CCDC150: variants seen among roughly 807,000 people sequenced by gnomAD.
CCDC150 encodes the protein coiled-coil domain containing 150, also known as coiled-coil domain-containing protein 150.
CCDC150 carries 151 observed loss-of-function variants against 156.5 expected under a neutral mutation model. The ratio of observed to expected loss-of-function variants is 0.97; its 90% confidence interval spans 0.85 to 1.10. The LOEUF is 1.10. CCDC150 is among the 50% of genes least tolerant of loss of function. The probability of loss-of-function intolerance (pLI) is 0.00; values close to 1 mark genes in which losing one functional copy is unlikely to be tolerated. For missense variants in CCDC150, 1,312 were observed against 1,268.1 expected (o/e 1.03, Z -0.53); for synonymous variants, 452 against 429.4 (o/e 1.05, Z -0.65).
intron 5 of CCDC150, among the ~76,000 whole-genome samples, chr2:196,661,071 A>T (rs1184870710): frequency 6.6e-6 from 1 of 152,052 alleles, no homozygotes; most frequent in Non-Finnish European, 1.5e-5. Flanking sequence ...TCTCCTTTGG[A>T]TTGCCATTTA....
chr2:196,713,302 C>T, intron 17 of CCDC150: 1 of 1,424,036 alleles, frequency 7.0e-7, no homozygotes, highest in Non-Finnish European at 9.2e-7. Flanking sequence ...GGGGCTATTC[C>T]TTGAAAAATA....
chr2:196,680,515 A>G (rs1211464891), intron 13 of CCDC150, among the ~76,000 whole-genome samples: 1 of 152,002 alleles, frequency 6.6e-6, no homozygotes, highest in Non-Finnish European at 1.5e-5. Flanking sequence ...TTGCCTGGCC[A>G]GTCTCGAACT....
At chr2:196,728,423 A>C (rs1698335528) in intron 22 of CCDC150, among the ~76,000 whole-genome samples, 1 of 152,206 alleles carries the variant, frequency 6.6e-6, no homozygotes, top group Non-Finnish European at 1.5e-5. Context: ...AAATGCTACC[A>C]TCCATAGAGA....
rs764646799 is a variant in CCDC150 at position 196,719,648 on chromosome 2, C to T, written c.2147C>T (p.Ala716Val). 2 of 1,608,794 alleles carry T rather than the reference C, an allele frequency of 1.2e-6. No individual in the cohort carries two copies. The highest frequency in any genetic ancestry group is 3.4e-5 in the Admixed American group (2 of 59,330). Residue 716 changes from alanine to valine, a missense_variant, in exon 19 of 28, where the codon GCA (alanine) becomes GTA (valine). Physicochemically the swap from Ala to Val is moderately conservative, Grantham distance 64 (BLOSUM62 0). Coordinates refer to ENST00000389175, the MANE Select transcript of CCDC150 (RefSeq NM_001080539.2). ...CTTGGGCGGAGGGATTCAGAGATTG[C>T]AGGCCTCAAGAAAGAAAGGTACCTG... Reference protein sequence around the residue: ...IELGRRDSEIAGLKKERDLNQ... With the variant: ...IELGRRDSEIVGLKKERDLNQ...
intron 15 of CCDC150, among the ~76,000 whole-genome samples, chr2:196,701,436 G>A (rs1696200051): frequency 6.6e-6 from 1 of 152,112 alleles, no homozygotes; most frequent in African/African-American, 2.4e-5. Context: ...TTTATGCATG[G>A]TCATTCACTG....
intron 13 of CCDC150, among the ~76,000 whole-genome samples, chr2:196,685,906 G>C (rs1309819698): frequency 6.6e-6 from 1 of 152,048 alleles, no homozygotes; most frequent in Non-Finnish European, 1.5e-5. Flanking sequence ...GAGCCACCGC[G>C]CCCAGCCGGT....
chr2:196,666,741 G>A lies in CCDC150; in HGVS notation c.785G>A (p.Cys262Tyr), dbSNP rs774788529. 2.9e-5 allele frequency: 46 copies of A among 1,604,932 alleles called. No individual in the cohort carries two copies. Among genetic ancestry groups the A allele is most frequent in the Non-Finnish European group, 3.8e-5 (45 of 1,177,044 alleles). Residue 262 changes from cysteine to tyrosine, a missense_variant, in exon 7 of 28, where the codon TGC becomes TAC. By Grantham distance (194) the Cys-to-Tyr change is radical. Transcript: ENST00000389175. ...RKQVHILQQNCIALRDSIQSA... is the reference protein window; with the variant it reads ...RKQVHILQQNYIALRDSIQSA... The stretch of plus-strand genomic sequence containing the variant: ...CAGGTGCACATTTTGCAGCAAAACT[G>A]CATTGCTCTACGTGATTCTATACAG...
At position 196,680,685 on chromosome 2, in the gene CCDC150, G is replaced by A. The variant is rs960940497; in HGVS notation, c.1509+3324G>A. ...GGTATTAATGATTCTGTGAGCATTC[G>A]TATACAATTTTTTTGTGTAAACATA... is the stretch of plus-strand genomic sequence containing the variant. On this transcript the variant is annotated intron_variant, in intron 13 of 27. Transcript: ENST00000389175. 3.3e-5 allele frequency among the ~76,000 whole-genome samples: 5 copies of A among 152,094 alleles called. No individual in the cohort carries two copies. The East Asian group carries it at 9.6e-4, about 29-fold the overall frequency.
chr2:196,721,548 T>A lies in CCDC150; in HGVS notation c.2286T>A (p.Gly762=), dbSNP rs1419230826. 1.2e-6 allele frequency: 2 copies of A among 1,606,078 alleles called. No individual in the cohort carries two copies. Among genetic ancestry groups the A allele is most frequent in the Non-Finnish European group, 1.7e-6 (2 of 1,176,974 alleles). Residue 762 remains glycine (G), a synonymous_variant, in exon 21 of 28, where the codon GGT becomes GGA. Transcript: ENST00000389175. ...TTGAATCTCTACAAAAAGCTCTAGG[T>A]GTAGCTAGAGAAGACAACAGGAAAC... ...SEIESLQKAL[G]VAREDNRKLA...
intron 6 of CCDC150, among the ~76,000 whole-genome samples, chr2:196,666,083 G>A (rs1359466795): frequency 6.6e-6 from 1 of 152,114 alleles, no homozygotes; most frequent in Non-Finnish European, 1.5e-5. Context: ...AGAAAATAAA[G>A]TCTAAAGCGA....
At chr2:196,728,816 A>G (rs1698362029) in intron 22 of CCDC150, among the ~76,000 whole-genome samples, 1 of 152,132 alleles carries the variant, frequency 6.6e-6, no homozygotes, top group South Asian at 2.1e-4. Context: ...GTATTCTATG[A>G]AGTAGGCTAT....
At chr2:196,672,228 C>T in intron 8 of CCDC150, 117 bp from the exon 9 acceptor site, 1 of 445,452 alleles carries the variant, frequency 2.2e-6, no homozygotes, top group Non-Finnish European at 4.0e-6. Context: ...TATAAAGTTC[C>T]AGTGTATGTC....
At chr2:196,653,600 C>T (rs906586739) in intron 2 of CCDC150, among the ~76,000 whole-genome samples, 4 of 152,178 alleles carry the variant, frequency 2.6e-5, no homozygotes, top group Non-Finnish European at 4.4e-5. Context: ...TCAGTATGTC[C>T]TCTGTCTATA....
chr2:196,708,205 A>G lies in CCDC150; in HGVS notation c.1696-3940A>G, dbSNP rs140763093. ...CTGGGTGCTCTTGTATTGGGTGTAT[A>G]TATATTTAGGATAGTTACCTCTTCT... On this transcript the variant is annotated intron_variant, in intron 15 of 27. Coordinates refer to ENST00000389175, the MANE Select transcript of CCDC150 (RefSeq NM_001080539.2). Among the ~76,000 whole-genome samples the G allele has an allele frequency of 5.2e-3, 795 of 152,218 alleles. 5 individuals are homozygous for G. Among genetic ancestry groups the G allele is most frequent in the African/African-American group, 0.018 (760 of 41,524 alleles).
intron 1 of CCDC150, among the ~76,000 whole-genome samples, chr2:196,645,459 G>A (rs920588398): frequency 2.0e-5 from 3 of 152,154 alleles, no homozygotes; most frequent in African/African-American, 4.8e-5. Context: ...ATTCCCATAC[G>A]AACACTATCG....
At chr2:196,721,721 G>A (rs756113256) in intron 21 of CCDC150, 30 bp downstream of exon 21, 1 of 1,538,246 alleles carries the variant, frequency 6.5e-7, no homozygotes, top group South Asian at 1.3e-5. Context: ...AGTAAAATTA[G>A]GGAAGCACCT....
chr2:196,694,937 A>T (rs965336553), intron 13 of CCDC150, 109 bp from the exon 14 acceptor site: 1 of 577,276 alleles, frequency 1.7e-6, no homozygotes, highest in Non-Finnish European at 3.1e-6. Flanking sequence ...GCAAGGAAAC[A>T]TATGGACAAT....
At chr2:196,657,289 C>A in intron 4 of CCDC150, 153 bp downstream of exon 4, 2 of 710,268 alleles carry the variant, frequency 2.8e-6, no homozygotes, top group Non-Finnish European at 4.6e-6. Context: ...GATTCTTGGC[C>A]TATGACATTT....
chr2:196,720,239 GTTTTC>G (rs986167438), intron 19 of CCDC150: 11 of 313,526 alleles, frequency 3.5e-5, no homozygotes, highest in African/African-American at 1.6e-4. Flanking sequence ...GAACAAGTGA[GTTTTC>G]TTTTCTCTTT....
Sources: allele counts gnomAD v4.1 joint callset (sites outside exome capture counted in the v4.1 genomes callset), GRCh38; gene constraint gnomAD v4.1.1; transcripts MANE v1.5; gene names NCBI Gene and HGNC (gene_info 2026-07-23, HGNC 2026-07-21).